Variants in HOMER1 observed in about 807,000 individuals in gnomAD.
HOMER1 encodes the protein homer scaffold protein 1.
In HOMER1, 3 loss-of-function variants were observed where a neutral mutation model predicts 48.9. The ratio of observed to expected loss-of-function variants is 0.06; its 90% CI spans 0.03 to 0.16. The LOEUF is 0.16. Among genes scored for constraint, HOMER1 ranks in the 10% least tolerant of loss-of-function variants. The pLI is 1.00. For missense variants in HOMER1, 247 were observed against 411.4 expected (o/e 0.60, Z 3.46); for synonymous variants, 134 against 146.4 (o/e 0.92, Z 0.61).
chr5:79,439,554 T>C lies in HOMER1; in HGVS notation c.388-405A>G, dbSNP rs141416632. ...GAAGATGTGATTTTGGTGAAAGAAG[T>C]AGATAATGGAAGGGGTACAGGAGAA... On this transcript the variant is annotated intron_variant, in intron 4 of 8. Coordinates refer to ENST00000334082, the MANE Select transcript of HOMER1 (RefSeq NM_004272.5). Among the ~76,000 whole-genome samples the C allele has an allele frequency of 2.4e-3, 360 of 151,872 alleles. 1 individual carries two copies. The highest frequency in any genetic ancestry group is 8.3e-3 in the African/African-American group (343 of 41,406).
chr5:79,495,599 T>C (rs192712647), intron 1 of HOMER1, among the ~76,000 whole-genome samples: 28 of 152,356 alleles, frequency 1.8e-4, no homozygotes, highest in Admixed American at 8.5e-4. Context: ...TAACGTTTTT[T>C]ACAAATGCTC....
At chr5:79,463,597 G>A (rs751395230) in intron 1 of HOMER1, among the ~76,000 whole-genome samples, 1 of 152,170 alleles carries the variant, frequency 6.6e-6, no homozygotes, top group Non-Finnish European at 1.5e-5. Flanking sequence ...CTATGCAAAT[G>A]AAAACTGAGG....
intron 1 of HOMER1, among the ~76,000 whole-genome samples, chr5:79,488,875 G>T (rs978102297): frequency 6.6e-6 from 1 of 152,168 alleles, no homozygotes; most frequent in African/African-American, 2.4e-5. Flanking sequence ...GCCAAGATGA[G>T]GATGGAGCCA....
chr5:79,500,961 CAG>C (rs1174340892), intron 1 of HOMER1, among the ~76,000 whole-genome samples: 3 of 63,792 alleles, frequency 4.7e-5, no homozygotes, highest in Admixed American at 1.8e-4. Context: ...GTGAGACAGA[CAG>C]ACACACACAC....
intron 5 of HOMER1, among the ~76,000 whole-genome samples, chr5:79,415,980 G>T (rs1159275439): frequency 6.6e-6 from 1 of 152,098 alleles, no homozygotes; most frequent in African/African-American, 2.4e-5. Context: ...TGATTTTGAG[G>T]AGTAAATAGC....
chr5:79,471,472 G>C (rs1418540540), intron 1 of HOMER1, among the ~76,000 whole-genome samples: 1 of 151,270 alleles, frequency 6.6e-6, no homozygotes, highest in Non-Finnish European at 1.5e-5. Flanking sequence ...CTTGAACCTG[G>C]GAGGCAGAGG....
chr5:79,446,133 C>G (rs1371659191), intron 4 of HOMER1, among the ~76,000 whole-genome samples: 1 of 152,176 alleles, frequency 6.6e-6, no homozygotes, highest in African/African-American at 2.4e-5. Flanking sequence ...GATATGCAAA[C>G]TAGCCAATCC....
chr5:79,382,026 T>C (rs1218647081), intron 8 of HOMER1, among the ~76,000 whole-genome samples: 1 of 151,586 alleles, frequency 6.6e-6, no homozygotes, highest in Non-Finnish European at 1.5e-5. Context: ...AAAAATACAT[T>C]CAAAAGATTC....
intron 5 of HOMER1, among the ~76,000 whole-genome samples, chr5:79,426,748 G>A (rs898338610): frequency 1.3e-5 from 2 of 151,980 alleles, no homozygotes; most frequent in African/African-American, 2.4e-5. Context: ...GGCAACTATA[G>A]TTAACAATAA....
chr5:79,465,112 G>A (rs1249608055), intron 1 of HOMER1, among the ~76,000 whole-genome samples: 1 of 152,080 alleles, frequency 6.6e-6, no homozygotes, highest in African/African-American at 2.4e-5. Context: ...CAAAGCGGGA[G>A]GATCGCTTGA....
intron 5 of HOMER1, among the ~76,000 whole-genome samples, chr5:79,409,260 C>T (rs549903953): frequency 6.6e-6 from 1 of 151,428 alleles, no homozygotes; most frequent in South Asian, 2.1e-4. Context: ...TGGTGAAACC[C>T]TATCTCTACT....
chr5:79,479,262 TG>T (rs1407081707), intron 1 of HOMER1, among the ~76,000 whole-genome samples: 1 of 152,202 alleles, frequency 6.6e-6, no homozygotes, highest in Non-Finnish European at 1.5e-5. Context: ...TGTAGAAGGC[TG>T]AATAATGGCC....
intron 1 of HOMER1, among the ~76,000 whole-genome samples, chr5:79,494,510 C>A (rs932598076): frequency 2.6e-5 from 4 of 152,174 alleles, no homozygotes; most frequent in African/African-American, 9.7e-5. Flanking sequence ...CCTTGTTCTA[C>A]TCTGTTTCAA....
chr5:79,455,686 T>C lies in HOMER1; in HGVS notation c.162+1176A>G, dbSNP rs1751156327. On this transcript the variant is annotated intron_variant, in intron 2 of 8. Transcript: ENST00000334082. ...AACCAGTCAGTCTGGCTCTACAGTG[T>C]GTGCACTTAACCCCTTCTTCATTTA... is the stretch of plus-strand genomic sequence containing the variant. Among the ~76,000 whole-genome samples the C allele has an allele frequency of 2.0e-5, 3 of 152,220 alleles. No individual in the cohort carries two copies. The South Asian group carries it at 6.2e-4, about 32-fold the overall frequency.
chr5:79,501,771 T>C lies in HOMER1; in HGVS notation c.5+10999A>G, dbSNP rs1459844972. ...AGCACATGATCTGCCATGTCAAAGC[T>C]ATATTACCTCCCATAGTCACAATTT... On this transcript the variant is annotated intron_variant, in intron 1 of 8. Coordinates refer to ENST00000334082, the MANE Select transcript of HOMER1 (RefSeq NM_004272.5). Among the ~76,000 whole-genome samples the C allele has an allele frequency of 2.6e-5, 4 of 152,142 alleles. 1 individual carries two copies. The highest frequency in any genetic ancestry group is 1.3e-4 in the Admixed American group (2 of 15,280).
chr5:79,474,278 C>T (rs778887642), intron 1 of HOMER1, among the ~76,000 whole-genome samples: 16 of 134,610 alleles, frequency 1.2e-4, no homozygotes, highest in Non-Finnish European at 2.3e-4. Context: ...ATCTAGAACT[C>T]CTGGCTTCAA....
At chr5:79,379,125 A>ATATT (rs1434592879) in intron 8 of HOMER1, among the ~76,000 whole-genome samples, 20 of 99,026 alleles carry the variant, frequency 2.0e-4, no homozygotes, top group African/African-American at 8.6e-4. Context: ...AAATATATAA[A>ATATT]TATTTATTTA....
chr5:79,470,391 C>T (rs1751584514), intron 1 of HOMER1, among the ~76,000 whole-genome samples: 1 of 152,132 alleles, frequency 6.6e-6, no homozygotes, highest in Non-Finnish European at 1.5e-5. Context: ...GCATTTTCTT[C>T]CCCCTGCAGA....
chr5:79,418,125 G>C (rs1385960512), intron 5 of HOMER1, among the ~76,000 whole-genome samples: 1 of 152,218 alleles, frequency 6.6e-6, no homozygotes, highest in African/African-American at 2.4e-5. Context: ...ACTTGTGGCA[G>C]AATCATCCCT....
Sources: allele counts gnomAD v4.1 joint callset (sites outside exome capture counted in the v4.1 genomes callset), GRCh38; gene constraint gnomAD v4.1.1; transcripts MANE v1.5; gene names NCBI Gene and HGNC (gene_info 2026-07-23, HGNC 2026-07-21).